SV2C: variants seen among roughly 807,000 people sequenced by gnomAD.
The protein encoded by SV2C is solute carrier family 22 member B3.
SV2C carries 49 observed loss-of-function variants against 79.7 expected under a neutral mutation model. The ratio of observed to expected loss-of-function variants is 0.61; its 90% CI spans 0.49 to 0.78. SV2C has a LOEUF of 0.78. Ranked by LOEUF, SV2C falls within the 30% of genes least tolerant of loss-of-function variation. SV2C has a pLI of 0.00. For synonymous variants in SV2C, 334 were observed against 333.2 expected (o/e 1.00, Z -0.03); for missense variants, 833 against 912.9 (o/e 0.91, Z 1.13).
the SV2C span, among the ~76,000 whole-genome samples, chr5:76,001,588 C>T: frequency 8.9e-6 from 1 of 112,046 alleles, no homozygotes; most frequent in Non-Finnish European, 2.1e-5. Flanking sequence ...GACTCCATCT[C>T]AGAAAAAAAA....
At chr5:76,192,328 C>G (rs1161618117) in intron 2 of SV2C, among the ~76,000 whole-genome samples, 1 of 152,126 alleles carries the variant, frequency 6.6e-6, no homozygotes, top group African/African-American at 2.4e-5. Flanking sequence ...GTTCATGGGT[C>G]ATACTTTGAG....
intron 1 of SV2C, among the ~76,000 whole-genome samples, chr5:76,094,892 TTG>T (rs1747499596): frequency 6.6e-6 from 1 of 152,146 alleles, no homozygotes; most frequent in African/African-American, 2.4e-5. Flanking sequence ...CTAGTGTGGC[TTG>T]TCTTTTTATA....
the SV2C span, among the ~76,000 whole-genome samples, chr5:76,076,295 A>C: frequency 2.0e-5 from 3 of 152,342 alleles, no homozygotes; most frequent in East Asian, 5.8e-4. Flanking sequence ...AGTTGGATAG[A>C]AGATTGATCT....
At chr5:76,175,811 A>G (rs747283560) in intron 2 of SV2C, among the ~76,000 whole-genome samples, 1 of 152,222 alleles carries the variant, frequency 6.6e-6, no homozygotes, top group Non-Finnish European at 1.5e-5. Flanking sequence ...TGGGAAAGCC[A>G]GCGTGTGTGT....
chr5:75,897,764 TC>T, the SV2C span, among the ~76,000 whole-genome samples: 1 of 152,136 alleles, frequency 6.6e-6, no homozygotes, highest in Admixed American at 6.5e-5. Context: ...TTTGTAGTTC[TC>T]CTTGAAGAGG....
At chr5:75,890,775 TG>T in the SV2C span, among the ~76,000 whole-genome samples, 6 of 152,112 alleles carry the variant, frequency 3.9e-5, no homozygotes, top group African/African-American at 1.4e-4. Flanking sequence ...GCTCACTATG[TG>T]GGTAGGGCTA....
the SV2C span, among the ~76,000 whole-genome samples, chr5:75,853,480 T>C: frequency 3.6e-5 from 5 of 139,106 alleles, no homozygotes; most frequent in Non-Finnish European, 7.6e-5. Context: ...GGTGTGAACC[T>C]GGGAGGCGGA....
chr5:76,241,891 T>G, intron 4 of SV2C: 1 of 625,882 alleles, frequency 1.6e-6, no homozygotes, highest in South Asian at 2.0e-5. Flanking sequence ...GTGTTCTATG[T>G]GCTAACAACA....
chr5:76,081,388 T>G (rs1464738049), upstream of SV2C, among the ~76,000 whole-genome samples: 1 of 152,232 alleles, frequency 6.6e-6, no homozygotes, highest in Non-Finnish European at 1.5e-5. Flanking sequence ...CAAATTTTTA[T>G]AAATAACATG....
At chr5:76,301,790 T>A (rs1458676606) in intron 12 of SV2C, among the ~76,000 whole-genome samples, 1 of 150,504 alleles carries the variant, frequency 6.6e-6, no homozygotes, top group Admixed American at 6.7e-5. Flanking sequence ...GTGCCTGTAA[T>A]CCCAGTTACT....
chr5:76,282,860 A>C (rs1747239498), intron 4 of SV2C, among the ~76,000 whole-genome samples: 1 of 151,974 alleles, frequency 6.6e-6, no homozygotes, highest in African/African-American at 2.4e-5. Flanking sequence ...AAATTCAAAA[A>C]AACTAGCCAG....
At chr5:76,010,759 T>G in the SV2C span, among the ~76,000 whole-genome samples, 1 of 152,180 alleles carries the variant, frequency 6.6e-6, no homozygotes, top group Admixed American at 6.5e-5. Context: ...CCAGGCAGTA[T>G]GTATTAAGTC....
the SV2C span, chr5:75,911,115 G>C: frequency 2.6e-6 from 4 of 1,511,162 alleles, no homozygotes; most frequent in East Asian, 4.5e-5. Context: ...AGATCAAGGA[G>C]CACTTAGAAG....
At chr5:76,229,032 G>A (rs1286369337) in intron 4 of SV2C, among the ~76,000 whole-genome samples, 4 of 152,192 alleles carry the variant, frequency 2.6e-5, no homozygotes, top group African/African-American at 4.8e-5. Flanking sequence ...CAAGTTCAAG[G>A]GCAATGCCTT....
At chr5:75,879,743 A>G in the SV2C span, among the ~76,000 whole-genome samples, 1 of 152,212 alleles carries the variant, frequency 6.6e-6, no homozygotes, top group East Asian at 1.9e-4. Flanking sequence ...CCATAGCTCC[A>G]CTAGGCAATG....
At chr5:76,039,348 A>G in the SV2C span, among the ~76,000 whole-genome samples, 1 of 152,196 alleles carries the variant, frequency 6.6e-6, no homozygotes, top group Non-Finnish European at 1.5e-5. Context: ...AAAACTAGGG[A>G]TCATCTCATG....
chr5:75,954,573 G>A, the SV2C span, among the ~76,000 whole-genome samples: 2 of 150,256 alleles, frequency 1.3e-5, no homozygotes, highest in East Asian at 1.9e-4. Context: ...GAAATAAAGG[G>A]TATTCAATTA....
chr5:75,858,549 T>C, the SV2C span, among the ~76,000 whole-genome samples: 8 of 152,214 alleles, frequency 5.3e-5, no homozygotes, highest in African/African-American at 1.9e-4. Context: ...TTCAGGGACA[T>C]TGGGCTGTAA....
chr5:76,302,390 C>T (rs542034799), intron 12 of SV2C, among the ~76,000 whole-genome samples: 5 of 151,928 alleles, frequency 3.3e-5, no homozygotes, highest in Non-Finnish European at 7.4e-5. Flanking sequence ...TTTGGGAGGC[C>T]GAGGCGGGCA....
Sources: gnomAD v4.1 joint callset for allele counts (sites outside exome capture counted in the v4.1 genomes callset) on GRCh38, gnomAD v4.1.1 for gene constraint, MANE v1.5 for transcripts, NCBI Gene and HGNC (gene_info 2026-07-23, HGNC 2026-07-21) for gene names.